GGT7: variants seen among roughly 807,000 people sequenced by gnomAD.
GGT7 encodes the protein gamma-glutamyltransferase 7.
GGT7 carries 30 observed loss-of-function variants against 69.2 expected under a neutral mutation model. The ratio of observed to expected loss-of-function variants is 0.43; its 90% confidence interval spans 0.32 to 0.59. The LOEUF (loss-of-function observed/expected upper bound fraction) is 0.59. Among genes scored for constraint, GGT7 ranks in the 20% least tolerant of loss-of-function variants. GGT7 has a pLI of 0.05. For missense variants in GGT7, 733 were observed against 901.1 expected, an observed-to-expected ratio of 0.81 and a Z score of 2.39; for synonymous variants, 388 against 391.8, an observed-to-expected ratio of 0.99 and a Z score of 0.12.
chr20:34,856,924 C>T (rs1295385245), intron 7 of GGT7, 31 bp from the exon 8 acceptor site: 10 of 1,348,284 alleles, frequency 7.4e-6, no homozygotes, highest in East Asian at 2.3e-5. Context: ...GAATGACCTC[C>T]CACCACTGTG....
At chr20:34,860,637 CTTTTT>C (rs533561120) in intron 4 of GGT7, among the ~76,000 whole-genome samples, 7 of 113,874 alleles carry the variant, frequency 6.1e-5, no homozygotes, top group Non-Finnish European at 7.1e-5. Flanking sequence ...CAACCCCTGC[CTTTTT>C]TTTTTTTTTT....
Position 34,872,753 on chromosome 20 carries a change from G to A in GGT7, c.63C>T (p.Tyr21=). 1 of 1,493,944 alleles carries A rather than the reference G, an allele frequency of 6.7e-7. No individual in the cohort carries two copies. The allele number at this position is 1,493,944 out of a possible 1,614,324, so 92.5% of individuals were successfully genotyped here. ...SALGAYSPVD[Y]MSITSFPRLP... is the part of the protein sequence containing the mutation. ...GCCGCGGGAAGCTGGTGATGCTCAT[G>A]TAGTCCACTGGCGAGTAGGCGCCCA... The change falls in exon 1 of 15, where the codon TAC becomes TAT. Residue 21 remains tyrosine (Y), a synonymous_variant. Coordinates refer to ENST00000336431, the MANE Select transcript of GGT7 (RefSeq NM_178026.3).
In GGT7 at chr20:34,859,504, C is replaced by A. The variant is rs1286785085; in HGVS notation, c.953G>T (p.Gly318Val). ...GTAGAAGGCAGCCGGGCCGGAGGTG[C>A]CAAGTACATCCAGCACCTCAGCCAG... is the stretch of plus-strand genomic sequence containing the variant. The part of the protein sequence containing the change: ...PDLAEVLDVL[G>V]TSGPAAFYAG... The change falls in exon 7 of 15, where the codon GGC becomes GTC. Residue 318 changes from glycine (G) to valine (V), a missense_variant. Physicochemically the swap from Gly to Val is moderately radical, Grantham distance 109 (BLOSUM62 -3). Transcript: ENST00000336431. The A allele has an allele frequency of 1.2e-6, 2 of 1,610,538 alleles. No individual in the cohort carries two copies. Among genetic ancestry groups the A allele is most frequent in the African/African-American group, 1.3e-5 (1 of 74,890 alleles).
chr20:34,871,987 G>T (rs907202800), intron 1 of GGT7, among the ~76,000 whole-genome samples: 2 of 152,116 alleles, frequency 1.3e-5, no homozygotes, highest in African/African-American at 4.8e-5. Flanking sequence ...AAATTCTGGA[G>T]ACTGCTTCCT....
chr20:34,861,373 T>C (rs763471296), intron 4 of GGT7, 72 bp downstream of exon 4: 13 of 684,128 alleles, frequency 1.9e-5, no homozygotes, highest in Non-Finnish European at 3.2e-5. Flanking sequence ...CTTAGCAAAT[T>C]AATGCTTGGG....
chr20:34,860,053 C>A lies in GGT7; in HGVS notation c.744-11G>T. ...TGGGACCATGGCAGCCTGGGGGGGC[C>A]GGAGAGCAGGGGGTGGAGGAGGTCC... On this transcript the variant is annotated splice_polypyrimidine_tract_variant and intron_variant, in intron 5 of 14. Transcript: ENST00000336431. 1 of 1,211,066 alleles carries A rather than the reference C, an allele frequency of 8.3e-7. No homozygotes were observed. Among genetic ancestry groups the A allele is most frequent in the East Asian group, 4.2e-5 (1 of 23,760 alleles). The allele number at this position is 1,211,066 out of a possible 1,614,324, so 75.0% of individuals were successfully genotyped here.
chr20:34,860,409 G>A (rs2079573109), intron 4 of GGT7, 88 bp from the exon 5 acceptor site: 1 of 1,018,616 alleles, frequency 9.8e-7, no homozygotes, highest in Non-Finnish European at 1.5e-6. Flanking sequence ...CCCAAGCCAG[G>A]GATGGCTGGC....
intron 10 of GGT7, 111 bp downstream of exon 10, chr20:34,854,420 A>T: frequency 1.5e-6 from 1 of 655,138 alleles, no homozygotes; most frequent in Non-Finnish European, 2.7e-6. Flanking sequence ...GGTTGAGCTG[A>T]AATTGACTTA....
Position 34,851,326 on chromosome 20 carries a change from G to A in GGT7, c.1630C>T (p.Leu544=). 6.2e-7 allele frequency: 1 copy of A among 1,613,898 alleles called. No homozygotes were observed. Among genetic ancestry groups the A allele is most frequent in the Non-Finnish European group, 8.5e-7 (1 of 1,179,984 alleles). The change falls in exon 13 of 15, where the codon CTG becomes TTG. Residue 544 remains leucine (L), a synonymous_variant. Coordinates refer to ENST00000336431, the MANE Select transcript of GGT7 (RefSeq NM_178026.3). ...TCCGCGGGTCGGACCACTGTGGGCA[G>A]CAGGAAAGAGAGTGGCCGCTTCCCT... ...QPGKRPLSFL[L]PTVVRPAEGL... is the part of the protein sequence containing the mutation.
intron 7 of GGT7, 126 bp from the exon 8 acceptor site, chr20:34,857,019 T>C (rs2079505202): frequency 1.4e-6 from 1 of 699,570 alleles, no homozygotes; most frequent in African/African-American, 1.8e-5. Context: ...ACCCCCATCG[T>C]GGCCTTTAGA....
intron 1 of GGT7, among the ~76,000 whole-genome samples, chr20:34,866,972 A>G (rs181484363): frequency 6.9e-4 from 105 of 152,336 alleles, no homozygotes; most frequent in African/African-American, 2.3e-3. Context: ...TCAGCATCAC[A>G]GAGTCTGTAA....
chr20:34,871,727 T>G (rs527914164), intron 1 of GGT7, among the ~76,000 whole-genome samples: 1 of 152,306 alleles, frequency 6.6e-6, no homozygotes, highest in Admixed American at 6.5e-5. Flanking sequence ...GTGCAGGCAC[T>G]GCGAGGAAGC....
intron 14 of GGT7, among the ~76,000 whole-genome samples, chr20:34,848,345 G>A (rs935638536): frequency 6.6e-6 from 1 of 152,086 alleles, no homozygotes; most frequent in African/African-American, 2.4e-5. Context: ...ATACTTCAAA[G>A]CCAAGCTACT....
At position 34,872,640 on chromosome 20, in the gene GGT7, G is replaced by T; in HGVS notation, c.169+7C>A. 6.9e-7 allele frequency: 1 copy of T among 1,458,388 alleles called. No individual in the cohort carries two copies. The highest frequency in any genetic ancestry group is 9.0e-7 in the Non-Finnish European group (1 of 1,107,000). 90.3% of individuals were successfully genotyped at this position (1,458,388 alleles called of 1,614,324 possible). On this transcript the variant is annotated splice_region_variant and intron_variant, in intron 1 of 14. Transcript: ENST00000336431. ...GGCAGGGCAGGGACGGGGTCAGCGG[G>T]CCTCACCGGTGTCGGGGTCTCCCAG... is the stretch of plus-strand genomic sequence containing the variant.
chr20:34,856,135 G>T (rs1364745399), intron 8 of GGT7, among the ~76,000 whole-genome samples: 1 of 152,196 alleles, frequency 6.6e-6, no homozygotes, highest in African/African-American at 2.4e-5. Context: ...GCCTCTGGCA[G>T]AGGAATCAGG....
intron 14 of GGT7, among the ~76,000 whole-genome samples, chr20:34,847,928 C>T (rs2079325244): frequency 6.6e-6 from 1 of 151,964 alleles, no homozygotes; most frequent in Admixed American, 6.6e-5. Flanking sequence ...CCTGTCTCTA[C>T]AAAAATGCAA....
intron 3 of GGT7, 104 bp downstream of exon 3, chr20:34,862,710 G>T: frequency 8.8e-7 from 1 of 1,131,238 alleles, no homozygotes; most frequent in Non-Finnish European, 1.3e-6. Context: ...AAGGAGTTGG[G>T]GCCCAAAAGC....
At chr20:34,862,264 C>T (rs1431872553) in intron 3 of GGT7, among the ~76,000 whole-genome samples, 4 of 152,150 alleles carry the variant, frequency 2.6e-5, no homozygotes, top group Non-Finnish European at 4.4e-5. Context: ...TCGGATTTCC[C>T]GATTGTTCAA....
chr20:34,853,844 G>A (rs1397314359), intron 10 of GGT7, among the ~76,000 whole-genome samples: 1 of 152,206 alleles, frequency 6.6e-6, no homozygotes, highest in African/African-American at 2.4e-5. Flanking sequence ...GAATTTGAAT[G>A]AAGGCAGTCT....
Sources: allele counts gnomAD v4.1 joint callset (sites outside exome capture counted in the v4.1 genomes callset), GRCh38; gene constraint gnomAD v4.1.1; transcripts MANE v1.5; gene names NCBI Gene and HGNC (gene_info 2026-07-23, HGNC 2026-07-21).